Variants in LRRIQ4 observed in about 807,000 individuals in gnomAD.
LRRIQ4 encodes leucine rich repeats and IQ motif containing 4.
LRRIQ4 carries 21 observed loss-of-function variants against 40.1 expected under a neutral mutation model. That is an observed-to-expected ratio of 0.52 (90% CI 0.37 to 0.75). The LOEUF (loss-of-function observed/expected upper bound fraction) is 0.75. Ranked by LOEUF, LRRIQ4 falls within the 30% of genes least tolerant of loss-of-function variation. LRRIQ4 has a pLI of 0.00. For missense variants in LRRIQ4, 655 were observed against 660.0 expected (o/e 0.99, Z 0.08); for synonymous variants, 277 against 277.1 (o/e 1.00, Z 0.00).
At chr3:169,818,950 C>T (rs1467029187) in intron 1 of LRRIQ4, among the ~76,000 whole-genome samples, 1 of 152,182 alleles carries the variant, frequency 6.6e-6, no homozygotes, top group Non-Finnish European at 1.5e-5. Context: ...CATCAACACT[C>T]ACTGTAAATT....
Position 169,822,764 on chromosome 3 carries a change from G to A in LRRIQ4, c.843G>A (p.Ser281=), listed in dbSNP as rs1014201986. The change falls in exon 2 of 6, where the codon TCG becomes TCA. Residue 281 remains serine, a synonymous_variant. Transcript: ENST00000340806. The part of the protein sequence containing the change: ...KVPRLICRWT[S]LHLLYLGNTG... The stretch of plus-strand genomic sequence containing the variant: ...CACGCCTCATTTGCAGGTGGACCTC[G>A]CTGCACCTGCTCTACCTGGGAAACA... The A allele has an allele frequency of 1.9e-6, 3 of 1,613,628 alleles. No homozygotes were observed. Among genetic ancestry groups the A allele is most frequent in the South Asian group, 1.1e-5 (1 of 91,022 alleles).
In LRRIQ4 at chr3:169,821,950, A is replaced by G; in HGVS notation, c.29A>G (p.His10Arg). MSKDIKSVE[H>R]SPKIHQRNDP... is the part of the protein sequence containing the mutation. Reference sequence around the variant, plus strand: ...TCAAAAGACATAAAATCAGTAGAACATTCACCTAAAATTCATCAGAGAAAT... The same window carrying G: ...TCAAAAGACATAAAATCAGTAGAACGTTCACCTAAAATTCATCAGAGAAAT... Residue 10 changes from histidine to arginine, a missense_variant, in exon 2 of 6, where the codon CAT becomes CGT. His to Arg is a conservative substitution (Grantham distance 29). Transcript: ENST00000340806. 2 of 1,493,782 alleles carry G rather than the reference A, an allele frequency of 1.3e-6. No individual in the cohort carries two copies. The highest frequency in any genetic ancestry group is 1.8e-6 in the Non-Finnish European group (2 of 1,125,152). 92.5% of individuals were successfully genotyped at this position (1,493,782 alleles called of 1,614,324 possible).
rs527355597 is a variant in LRRIQ4, at chr3:169,822,236, C to T, written c.315C>T (p.Pro105=). Residue 105 remains proline, a synonymous_variant, in exon 2 of 6, where the codon CCC becomes CCT. Transcript: ENST00000340806. ...AGAGCCTGGACCTGAGCTACAACCC[C>T]ATCTTCTCCTCCTCCCTTGTCGTTG... The part of the protein sequence containing the change: ...SLESLDLSYN[P]IFSSSLVVVS... The T allele has an allele frequency of 3.7e-6, 6 of 1,605,758 alleles. No individual in the cohort carries two copies. The South Asian group carries it at 6.7e-5, about 18-fold the overall frequency.
chr3:169,821,850 G>C (rs1779897140), intron 1 of LRRIQ4, 41 bp from the exon 2 acceptor site: 1 of 1,110,362 alleles, frequency 9.0e-7, no homozygotes, highest in African/African-American at 1.6e-5. Context: ...TCTGGTGGCA[G>C]GTAAATTCTA....
Position 169,821,966 on chromosome 3 carries a change from TC to T in LRRIQ4, c.46del (p.Gln16ArgfsTer22). On this transcript the variant is annotated frameshift_variant, in exon 2 of 6. Transcript: ENST00000340806. LOFTEE classifies it high-confidence loss of function. ...CAGTAGAACATTCACCTAAAATTCA[TC>T]AGAGAAATGATCCACAGCACGTCAA... is the stretch of plus-strand genomic sequence containing the variant. The part of the protein sequence containing the change: ...KSVEHSPKIH[Q>X]RNDPQHVNDR... 1 of 1,509,610 alleles carries T rather than the reference TC, an allele frequency of 6.6e-7. No individual in the cohort carries two copies. Among genetic ancestry groups the T allele is most frequent in the Non-Finnish European group, 8.8e-7 (1 of 1,133,522 alleles). 93.5% of individuals were successfully genotyped at this position (1,509,610 alleles called of 1,614,324 possible).
Position 169,822,959 on chromosome 3 carries a change from G to T in LRRIQ4, c.1020+18G>T, listed in dbSNP as rs1779949227. ...TAGGACAGGTACGGATTCCTTTTCT[G>T]GCTGTCACTATGCTCTCATCCAGGG... is the stretch of plus-strand genomic sequence containing the variant. On this transcript the variant is annotated intron_variant, in intron 2 of 5. Coordinates refer to ENST00000340806, the MANE Select transcript of LRRIQ4 (RefSeq NM_001080460.3). The T allele has an allele frequency of 6.7e-7, 1 of 1,498,746 alleles. No individual in the cohort carries two copies. The allele number at this position is 1,498,746 out of a possible 1,614,324, so 92.8% of individuals were successfully genotyped here. A position where few individuals can be genotyped will look rare whatever the true frequency, so the allele number is the denominator to read the frequency against.
intron 1 of LRRIQ4, among the ~76,000 whole-genome samples, chr3:169,816,549 A>G (rs75272181): frequency 0.14 from 21,016 of 151,926 alleles, 1,673 homozygotes; most frequent in South Asian, 0.21. Context: ...AATCTGGCTA[A>G]AAGTTTATTG....
chr3:169,833,178 A>G lies in LRRIQ4; in HGVS notation c.1525A>G (p.Thr509Ala). The G allele has an allele frequency of 1.2e-6, 2 of 1,611,910 alleles. No individual in the cohort carries two copies. The highest frequency in any genetic ancestry group is 1.7e-6 in the Non-Finnish European group (2 of 1,178,964). The change falls in exon 5 of 6, where the codon ACA becomes GCA. Residue 509 changes from threonine (T) to alanine (A), a missense_variant. Physicochemically the swap from Thr to Ala is moderately conservative, Grantham distance 58 (BLOSUM62 0). Transcript: ENST00000340806. The stretch of plus-strand genomic sequence containing the variant: ...AAACAGAAACAGGAATATAATGGCA[A>G]CAAAGGTAAAATCAGCCCAGATTCT... ...KENRNRNIMA[T>A]KIQAWWRGTM...
chr3:169,826,538 A>T (rs1009231417), intron 2 of LRRIQ4, among the ~76,000 whole-genome samples: 1 of 152,226 alleles, frequency 6.6e-6, no homozygotes, highest in Non-Finnish European at 1.5e-5. Flanking sequence ...TCTTCTCATT[A>T]TACTTTACTA....
intron 2 of LRRIQ4, 30 bp downstream of exon 2, chr3:169,822,971 G>T: frequency 6.7e-7 from 1 of 1,484,268 alleles, no homozygotes; most frequent in Admixed American, 2.6e-5. Flanking sequence ...CTGTCACTAT[G>T]CTCTCATCCA....
In LRRIQ4 at chr3:169,826,760, C is replaced by CATCT. The variant is rs1252062204; in HGVS notation, c.1021-1997_1021-1994dup. ...GAATGCAGGCATTTTGTATTGAAGA[C>CATCT]ATCTAAGTGCTTGATGAAGAATTTT... On this transcript the variant is annotated intron_variant, in intron 2 of 5. Coordinates refer to ENST00000340806, the MANE Select transcript of LRRIQ4 (RefSeq NM_001080460.3). 3.9e-5 allele frequency among the ~76,000 whole-genome samples: 6 copies of CATCT among 152,262 alleles called. No individual in the cohort carries two copies. The East Asian group carries it at 1.2e-3, about 29-fold the overall frequency.
At chr3:169,825,130 C>A (rs1212060515) in intron 2 of LRRIQ4, among the ~76,000 whole-genome samples, 2 of 151,838 alleles carry the variant, frequency 1.3e-5, no homozygotes, top group Non-Finnish European at 2.9e-5. Flanking sequence ...TCCTCAGCCT[C>A]CCGAGTAGCT....
At chr3:169,833,242 C>T (rs1363176422) in intron 5 of LRRIQ4, 59 bp downstream of exon 5, 4 of 1,408,532 alleles carry the variant, frequency 2.8e-6, no homozygotes, top group Middle Eastern at 3.6e-4. Context: ...ATGGTAAACA[C>T]AGTACAGATT....
chr3:169,833,904 A>G (rs1314839716), intron 5 of LRRIQ4, among the ~76,000 whole-genome samples: 2 of 152,152 alleles, frequency 1.3e-5, no homozygotes, highest in Non-Finnish European at 2.9e-5. Context: ...CCTCAACCCT[A>G]TCAGACCTAA....
At position 169,824,760 on chromosome 3, in the gene LRRIQ4, G is replaced by A. The variant is rs536594786; in HGVS notation, c.1020+1819G>A. 5.5e-4 allele frequency among the ~76,000 whole-genome samples: 84 copies of A among 151,948 alleles called. 1 individual carries two copies. The highest frequency in any genetic ancestry group is 4.2e-4 in the South Asian group (2 of 4,794). On this transcript the variant is annotated intron_variant, in intron 2 of 5. Transcript: ENST00000340806. ...ACTCCTGGCTTCAAGTGATCCACCC[G>A]TTTTGGCCTCACAAAGTGCTGGGAT...
chr3:169,824,159 T>C (rs1576764184), intron 2 of LRRIQ4, among the ~76,000 whole-genome samples: 1 of 152,122 alleles, frequency 6.6e-6, no homozygotes, highest in East Asian at 1.9e-4. Context: ...ATATAAAATA[T>C]TGACTGGAAG....
At chr3:169,821,359 G>A (rs1779884332) in intron 1 of LRRIQ4, among the ~76,000 whole-genome samples, 1 of 152,136 alleles carries the variant, frequency 6.6e-6, no homozygotes, top group Non-Finnish European at 1.5e-5. Flanking sequence ...ATTAGGCTGG[G>A]CACGGCGGCT....
intron 5 of LRRIQ4, among the ~76,000 whole-genome samples, chr3:169,836,339 G>A (rs758213153): frequency 1.3e-5 from 2 of 152,108 alleles, no homozygotes; most frequent in Non-Finnish European, 2.9e-5. Context: ...CATAGAACAG[G>A]CGGCTTAAAC....
chr3:169,830,663 G>T (rs778920055), intron 4 of LRRIQ4, 33 bp downstream of exon 4: 11 of 1,613,186 alleles, frequency 6.8e-6, no homozygotes, highest in Non-Finnish European at 7.6e-6. Flanking sequence ...CAGCCTAGCA[G>T]AGTTTGTGGC....
Sources: gnomAD v4.1 joint callset for allele counts (sites outside exome capture counted in the v4.1 genomes callset) on GRCh38, gnomAD v4.1.1 for gene constraint, MANE v1.5 for transcripts, NCBI Gene and HGNC (gene_info 2026-07-23, HGNC 2026-07-21) for gene names.